The following UNC79 variants were observed in gnomAD, a reference collection of about 807,000 sequenced individuals.
UNC79 encodes unc-79 subunit of NALCN channel complex, also known as protein unc-79 homolog.
In UNC79, 37 loss-of-function variants were observed where a neutral mutation model predicts 283.1. The observed-to-expected ratio is 0.13, with a 90% CI of 0.10 to 0.17. UNC79 has a LOEUF of 0.17. Among genes scored for constraint, UNC79 ranks in the 10% least tolerant of loss-of-function variants. The probability of loss-of-function intolerance (pLI) is 1.00; values close to 1 mark genes in which losing one functional copy is unlikely to be tolerated. For missense variants in UNC79, 2,272 were observed against 3,211.1 expected, an observed-to-expected ratio of 0.71 and a Z score of 7.07; for synonymous variants, 1,107 against 1,200.2, an observed-to-expected ratio of 0.92 and a Z score of 1.61.
At chr14:93,593,390 T>C (rs1158248617) in intron 22 of UNC79, among the ~76,000 whole-genome samples, 1 of 152,236 alleles carries the variant, frequency 6.6e-6, no homozygotes, top group Non-Finnish European at 1.5e-5. Flanking sequence ...AATTTTGACT[T>C]TGTATATTAC....
chr14:93,706,582 C>CT, intron 48 of UNC79, 122 bp from the exon 52 acceptor site: 1 of 1,136,730 alleles, frequency 8.8e-7, no homozygotes, highest in Non-Finnish European at 1.3e-6. Context: ...AGTTTGCCTT[C>CT]TTCAGGCCAG....
chr14:93,403,350 A>G (rs2055151079), intron 1 of UNC79, among the ~76,000 whole-genome samples: 1 of 152,218 alleles, frequency 6.6e-6, no homozygotes, highest in South Asian at 2.1e-4. Flanking sequence ...TTTAGGGTAA[A>G]GATCTTTAGG....
intron 1 of UNC79, among the ~76,000 whole-genome samples, chr14:93,405,298 C>T (rs1358300928): frequency 2.0e-5 from 3 of 150,384 alleles, no homozygotes; most frequent in Admixed American, 6.6e-5. Flanking sequence ...AAAAAAAAAT[C>T]CACAAGAAGA....
intron 1 of UNC79, among the ~76,000 whole-genome samples, chr14:93,463,546 A>G (rs571043911): frequency 8.5e-5 from 13 of 152,284 alleles, no homozygotes; most frequent in Admixed American, 5.9e-4. Context: ...GATTAATTTC[A>G]TAGGAGACAC....
At chr14:93,651,452 A>G (rs1018254666) in intron 35 of UNC79, among the ~76,000 whole-genome samples, 8 of 152,252 alleles carry the variant, frequency 5.3e-5, no homozygotes, top group East Asian at 1.9e-4. Flanking sequence ...TCTCTCAGCA[A>G]TGTTTTTTAG....
intron 31 of UNC79, chr14:93,634,545 G>A: frequency 6.2e-7 from 1 of 1,614,084 alleles, no homozygotes; most frequent in Non-Finnish European, 8.5e-7. Context: ...ATGAAAAGGG[G>A]ATCCCTGGGA....
chr14:93,511,710 G>T (rs1244881580), intron 7 of UNC79, among the ~76,000 whole-genome samples: 5 of 152,158 alleles, frequency 3.3e-5, no homozygotes, highest in African/African-American at 4.8e-5. Context: ...CTCCCAAAGT[G>T]CTGGGATTAC....
At chr14:93,658,863 C>T (rs1203855929) in intron 38 of UNC79, among the ~76,000 whole-genome samples, 1 of 152,078 alleles carries the variant, frequency 6.6e-6, no homozygotes, top group African/African-American at 2.4e-5. Context: ...TTCATCCATC[C>T]ATCCATCCAT....
intron 1 of UNC79, among the ~76,000 whole-genome samples, chr14:93,352,284 C>T (rs997884125): frequency 2.0e-5 from 3 of 152,170 alleles, no homozygotes; most frequent in African/African-American, 7.2e-5. Flanking sequence ...TTTGAACTTA[C>T]TTTTTCCTTC....
At chr14:93,517,645 C>T (rs975931938) in intron 7 of UNC79, among the ~76,000 whole-genome samples, 3 of 151,940 alleles carry the variant, frequency 2.0e-5, no homozygotes, top group Non-Finnish European at 2.9e-5. Context: ...TTCTTGGCAA[C>T]GTTATGCCTT....
At chr14:93,437,079 A>C (rs1176017849) in intron 1 of UNC79, among the ~76,000 whole-genome samples, 4 of 152,206 alleles carry the variant, frequency 2.6e-5, no homozygotes, top group Admixed American at 2.6e-4. Flanking sequence ...GTATATATAC[A>C]TGCACAAATG....
chr14:93,358,615 G>A (rs1481779519), intron 1 of UNC79, among the ~76,000 whole-genome samples: 1 of 152,174 alleles, frequency 6.6e-6, no homozygotes, highest in Non-Finnish European at 1.5e-5. Flanking sequence ...GGGACATGTG[G>A]GAGGACCGTG....
chr14:93,402,804 A>T (rs2055137798), intron 1 of UNC79, among the ~76,000 whole-genome samples: 1 of 152,192 alleles, frequency 6.6e-6, no homozygotes. Context: ...TGTGGTTCCC[A>T]CTGGCAGATA....
intron 5 of UNC79, among the ~76,000 whole-genome samples, chr14:93,488,643 A>C (rs2058571184): frequency 3.9e-5 from 6 of 152,224 alleles, no homozygotes; most frequent in Admixed American, 3.9e-4. Flanking sequence ...GTTGTAACAG[A>C]AATATAAACG....
intron 39 of UNC79, among the ~76,000 whole-genome samples, chr14:93,660,563 A>ATATATGTGTGTGTGTG (rs1203621990): frequency 1.2e-4 from 8 of 64,778 alleles, no homozygotes; most frequent in Non-Finnish European, 1.7e-4. Flanking sequence ...ATATATATAT[A>ATATATGTGTGTGTGTG]TGTGTGTGTG....
At chr14:93,511,498 A>C (rs921129213) in intron 7 of UNC79, among the ~76,000 whole-genome samples, 11 of 151,810 alleles carry the variant, frequency 7.2e-5, no homozygotes, top group African/African-American at 2.4e-4. Context: ...ACCAGGCTGG[A>C]GTGTTGTGGT....
chr14:93,660,520 C>CATAT (rs57703735), intron 39 of UNC79, among the ~76,000 whole-genome samples: 562 of 48,570 alleles, frequency 0.012, 2 homozygotes, highest in South Asian at 0.016. Context: ...AAGACAATAG[C>CATAT]ATATATATAT....
At chr14:93,517,799 C>T (rs545392467) in intron 7 of UNC79, among the ~76,000 whole-genome samples, 1 of 151,968 alleles carries the variant, frequency 6.6e-6, no homozygotes, top group African/African-American at 2.4e-5. Flanking sequence ...TATATCTTTT[C>T]TTTCTAAAGT....
At position 93,621,796 on chromosome 14, in the gene UNC79, G is replaced by A. The variant is rs780700328; in HGVS notation, c.4563G>A (p.Ser1521=). The stretch of plus-strand genomic sequence containing the variant: ...CATTAGACGAACATCGTAGGAAGTC[G>A]TGCATAGATCGGTGTGACATAGAGA... Residue 1521 remains serine (S), a synonymous_variant, in exon 30 of 49, where the codon TCG becomes TCA. Transcript: ENST00000555664. The surrounding 1 kb of genome is among the most constrained non-coding windows in gnomAD (Gnocchi z 4.8). 3 of 1,614,018 alleles carry A rather than the reference G, an allele frequency of 1.9e-6. No individual in the cohort carries two copies. The highest frequency in any genetic ancestry group is 1.7e-6 in the Non-Finnish European group (2 of 1,180,002).
Sources: allele counts gnomAD v4.1 joint callset (sites outside exome capture counted in the v4.1 genomes callset), GRCh38; gene constraint gnomAD v4.1.1; non-coding constraint Gnocchi (gnomAD v3.1); transcripts MANE v1.5; gene names NCBI Gene and HGNC (gene_info 2026-07-23, HGNC 2026-07-21).